MRPL9: variants seen among roughly 807,000 people sequenced by gnomAD.
The protein encoded by MRPL9 is mitochondrial ribosomal protein L9.
Under a neutral mutation model 27.6 loss-of-function variants are expected in MRPL9, and 25 were observed. That is an observed-to-expected ratio of 0.91 (90% CI 0.66 to 1.27). The LOEUF (loss-of-function observed/expected upper bound fraction) is 1.27, where lower values mean the gene tolerates loss of function less well. MRPL9 is among the 50% of genes most tolerant of loss of function. The pLI, the probability that MRPL9 is intolerant of heterozygous loss-of-function variation, is 0.00. For missense variants in MRPL9, 362 were observed against 338.0 expected (o/e 1.07, Z -0.56); for synonymous variants, 154 against 139.0 (o/e 1.11, Z -0.76).
Position 151,761,477 on chromosome 1 carries a change from T to C in MRPL9, c.562A>G (p.Ile188Val). 1 of 1,613,968 alleles carries C rather than the reference T, an allele frequency of 6.2e-7. No homozygotes were observed. Among genetic ancestry groups the C allele is most frequent in the Non-Finnish European group, 8.5e-7 (1 of 1,179,868 alleles). Residue 188 changes from isoleucine to valine, a missense_variant, in exon 5 of 7, where the codon ATA (isoleucine) becomes GTA (valine). Physicochemically the swap from Ile to Val is conservative, Grantham distance 29. Transcript: ENST00000368830. ...NNVKWELNPE[I>V]VARHFFKNLG... ...TTCTTAAAGAAGTGGCGGGCAACTA[T>C]TTCAGGGTTCAGCTCCCATTTGACA...
chr1:151,759,868 G>GTGA lies in MRPL9; in HGVS notation c.*179_*181dup. 1 of 736,092 alleles carries GTGA rather than the reference G, an allele frequency of 1.4e-6. No homozygotes were observed. The highest frequency in any genetic ancestry group is 2.4e-5 in the South Asian group (1 of 41,952). 45.6% of individuals were successfully genotyped at this position (736,092 alleles called of 1,614,324 possible). On this transcript the variant is annotated 3_prime_UTR_variant, in exon 7 of 7. Transcript: ENST00000368830. ...TCTGGAACAGGACTTCCCTGCCCCA[G>GTGA]TGATGACAGTTAAAGATGGCAAAAA...
In MRPL9 at chr1:151,760,903, C is replaced by CAAAAAAAA. The variant is rs755031728; in HGVS notation, c.589-12_589-5dup. On this transcript the variant is annotated splice_polypyrimidine_tract_variant and splice_region_variant and intron_variant, in intron 5 of 6. Transcript: ENST00000368830. ...GTGGGGCAACCACAACACCAAGCTG[C>CAAAAAAAA]AAAAAAAAAAAAAAAAAAAAAAATC... The CAAAAAAAA allele has an allele frequency of 3.4e-4, 321 of 953,736 alleles. 5 individuals carry two copies. In the African/African-American group the frequency reaches 5.6e-3, roughly 17 times the overall value. The allele number at this position is 953,736 out of a possible 1,614,324, so 59.1% of individuals were successfully genotyped here. A position where few individuals can be genotyped will look rare whatever the true frequency, so the allele number is the denominator to read the frequency against.
In MRPL9 at chr1:151,759,763, C is replaced by A; in HGVS notation, c.*287G>T. The stretch of plus-strand genomic sequence containing the variant: ...GCTCTCCTGTTTGTCCCAATAAACT[C>A]CAATGGAGGAAGAAGCTAAACAGGT... On this transcript the variant is annotated 3_prime_UTR_variant, in exon 7 of 7. Coordinates refer to ENST00000368830, the MANE Select transcript of MRPL9 (RefSeq NM_031420.4). 1 of 304,394 alleles carries A rather than the reference C, an allele frequency of 3.3e-6. No individual in the cohort carries two copies. The highest frequency in any genetic ancestry group is 7.1e-5 in the East Asian group (1 of 14,022). 18.9% of individuals were successfully genotyped at this position (304,394 alleles called of 1,614,324 possible). A position where few individuals can be genotyped will look rare whatever the true frequency, so the allele number is the denominator to read the frequency against.
At chr1:151,760,978 T>C (rs1165864068) in intron 5 of MRPL9, 79 bp from the exon 6 acceptor site, 2 of 1,293,918 alleles carry the variant, frequency 1.5e-6, no homozygotes, top group Non-Finnish European at 2.1e-6. Flanking sequence ...GGGAACCTCA[T>C]AAAGAGGGTT....
chr1:151,760,921 A>AAAAAAAAAAAAAAAAAAAAAAAAAC, intron 5 of MRPL9, 22 bp from the exon 6 acceptor site: 1 of 1,540,780 alleles, frequency 6.5e-7, no homozygotes, highest in Non-Finnish European at 8.7e-7. Context: ...AAAAAAAAAA[A>AAAAAAAAAAAAAAAAAAAAAAAAAC]AAAAATCTCA....
rs1402456635 is a variant in MRPL9 at position 151,763,472 on chromosome 1, G to A, written c.8C>T (p.Ala3Val). ...TCTGCCCGGGGCCGTGACAACGGGC[G>A]CCGCCATGTTCACAGGCACAGAATG... MAAPVVTAPGRAL... is the reference protein window; with the variant it reads MAVPVVTAPGRAL... Residue 3 changes from alanine to valine, a missense_variant, in exon 1 of 7, where the codon GCG (alanine) becomes GTG (valine). Coordinates refer to ENST00000368830, the MANE Select transcript of MRPL9 (RefSeq NM_031420.4). 7 of 1,574,226 alleles carry A rather than the reference G, an allele frequency of 4.4e-6. No homozygotes were observed. The East Asian group carries it at 1.2e-4, about 26-fold the overall frequency.
chr1:151,762,827 A>G, intron 2 of MRPL9, 163 bp downstream of exon 2: 1 of 870,960 alleles, frequency 1.1e-6, no homozygotes, highest in African/African-American at 1.7e-5. Flanking sequence ...GCTGGAGGCC[A>G]GTGTCACAAT....
rs764697451 is a variant in MRPL9 at position 151,759,811 on chromosome 1, C to T, written c.*239G>A. ...GGTTTTGGATGGTTTCGGTCTACTG[C>T]ATCTAGCTTATCAAATCTACAGCCT... On this transcript the variant is annotated 3_prime_UTR_variant, in exon 7 of 7. Transcript: ENST00000368830. 7 of 471,952 alleles carry T rather than the reference C, an allele frequency of 1.5e-5. No individual in the cohort carries two copies. Among genetic ancestry groups the T allele is most frequent in the Non-Finnish European group, 2.2e-5 (6 of 275,400 alleles). 29.2% of individuals were successfully genotyped at this position (471,952 alleles called of 1,614,324 possible). A position where few individuals can be genotyped will look rare whatever the true frequency, so the allele number is the denominator to read the frequency against.
intron 6 of MRPL9, 88 bp from the exon 7 acceptor site, chr1:151,760,269 T>A (rs2101539024): frequency 6.5e-7 from 1 of 1,548,728 alleles, no homozygotes; most frequent in East Asian, 2.3e-5. Flanking sequence ...CCCTGACTTT[T>A]CTCCCAGTCA....
chr1:151,761,894 G>A (rs1428659931), intron 4 of MRPL9: 3 of 604,032 alleles, frequency 5.0e-6, no homozygotes, highest in African/African-American at 1.9e-5. Flanking sequence ...TTCCCAGATT[G>A]GGACCTCCCT....
chr1:151,762,842 A>G (rs961882013), intron 2 of MRPL9, 148 bp downstream of exon 2: 33 of 997,546 alleles, frequency 3.3e-5, no homozygotes, highest in Admixed American at 2.6e-4. Flanking sequence ...CACAATCACA[A>G]TAGTTTTTAT....
At chr1:151,761,697 A>G in intron 4 of MRPL9, 145 bp from the exon 5 acceptor site, 4 of 624,060 alleles carry the variant, frequency 6.4e-6, no homozygotes, top group Non-Finnish European at 1.1e-5. Flanking sequence ...ACTTCAGCCC[A>G]GGAGTTTGAA....
chr1:151,761,430 T>TG, intron 5 of MRPL9, 21 bp downstream of exon 5: 1 of 1,576,212 alleles, frequency 6.3e-7, no homozygotes, highest in Non-Finnish European at 8.7e-7. Context: ...GGTAGAGTGG[T>TG]TTTTGGGAAC....
chr1:151,759,869 T>A lies in MRPL9; in HGVS notation c.*181A>T. Reference sequence around the variant, plus strand: ...CTGGAACAGGACTTCCCTGCCCCAGTGATGACAGTTAAAGATGGCAAAAAT... The same window carrying A: ...CTGGAACAGGACTTCCCTGCCCCAGAGATGACAGTTAAAGATGGCAAAAAT... On this transcript the variant is annotated 3_prime_UTR_variant, in exon 7 of 7. Transcript: ENST00000368830. The A allele has an allele frequency of 1.4e-6, 1 of 736,952 alleles. No homozygotes were observed. The highest frequency in any genetic ancestry group is 2.4e-5 in the South Asian group (1 of 41,624). The allele number at this position is 736,952 out of a possible 1,614,324, so 45.7% of individuals were successfully genotyped here.
At chr1:151,760,970 G>GACT in intron 5 of MRPL9, 71 bp from the exon 6 acceptor site, 1 of 1,375,082 alleles carries the variant, frequency 7.3e-7, no homozygotes, top group Non-Finnish European at 9.8e-7. Context: ...CCACTCTAGG[G>GACT]AACCTCATAA....
chr1:151,760,218 C>A, intron 6 of MRPL9, 37 bp from the exon 7 acceptor site: 2 of 1,613,350 alleles, frequency 1.2e-6, no homozygotes, highest in South Asian at 2.2e-5. Flanking sequence ...AGAGATCAGT[C>A]AGGTAAGTAA....
At position 151,763,077 on chromosome 1, in the gene MRPL9, G is replaced by A. The variant is rs868521690; in HGVS notation, c.223C>T (p.Arg75Trp). ...AGEGRKPRLHRRHRVYKLVED... is the reference protein window; with the variant it reads ...AGEGRKPRLHWRHRVYKLVED... ...ACCAGCTTATAGACGCGATGTCGCC[G>A]GTGCAGGCGCGGCTTCCGGCCCTCC... The change falls in exon 2 of 7, where the codon CGG becomes TGG. Residue 75 changes from arginine (R) to tryptophan (W), a missense_variant. Arg to Trp is a moderately radical substitution (Grantham distance 101, BLOSUM62 -3). Coordinates refer to ENST00000368830, the MANE Select transcript of MRPL9 (RefSeq NM_031420.4). 8.1e-6 allele frequency: 13 copies of A among 1,613,936 alleles called. No individual in the cohort carries two copies. Among genetic ancestry groups the A allele is most frequent in the African/African-American group, 1.3e-5 (1 of 74,906 alleles).
rs1553276914 is a variant in MRPL9 at position 151,760,920 on chromosome 1, A to AT, written c.589-22_589-21insA. ...CCAAGCTGCAAAAAAAAAAAAAAAA[A>AT]AAAAAATCTCAGCTCAAATGAACTC... On this transcript the variant is annotated intron_variant, in intron 5 of 6. Coordinates refer to ENST00000368830, the MANE Select transcript of MRPL9 (RefSeq NM_031420.4). 2.8e-5 allele frequency: 44 copies of AT among 1,548,828 alleles called. No homozygotes were observed. The African/African-American group carries it at 4.9e-4, about 17-fold the overall frequency.
rs538321428 is a variant in MRPL9, at chr1:151,761,076, G to A, written c.589-177C>T. On this transcript the variant is annotated intron_variant, in intron 5 of 6. Transcript: ENST00000368830. ...GAGAAGGGCATACACCTTCATAGAC[G>A]GTAGTAGAGAAATTCAATTCTGATT... 1.6e-4 allele frequency among the ~76,000 whole-genome samples: 25 copies of A among 152,206 alleles called. No individual in the cohort carries two copies. In the South Asian group the frequency reaches 4.0e-3, roughly 24 times the overall value.
Sources: gnomAD v4.1 joint callset for allele counts (sites outside exome capture counted in the v4.1 genomes callset) on GRCh38, gnomAD v4.1.1 for gene constraint, MANE v1.5 for transcripts, NCBI Gene and HGNC (gene_info 2026-07-23, HGNC 2026-07-21) for gene names.